Variants in USP46 observed in about 807,000 individuals in gnomAD.
The protein encoded by USP46 is ubiquitin specific peptidase 46, also known as ubiquitin carboxyl-terminal hydrolase 46.
USP46 carries 12 observed loss-of-function variants against 44.4 expected under a neutral mutation model. The ratio of observed to expected loss-of-function variants is 0.27; its 90% CI spans 0.17 to 0.44. The LOEUF is 0.44. USP46 is among the 20% of genes least tolerant of loss of function. The pLI is 1.00. For synonymous variants in USP46, 155 were observed against 161.5 expected, an observed-to-expected ratio of 0.96 and a Z score of 0.31; for missense variants, 248 against 444.8, an observed-to-expected ratio of 0.56 and a Z score of 3.98.
At chr4:52,657,040 C>CAA (rs959028429) in intron 1 of USP46, among the ~76,000 whole-genome samples, 177 of 28,062 alleles carry the variant, frequency 6.3e-3, no homozygotes, top group Non-Finnish European at 7.5e-3. Context: ...GAGACCTTGT[C>CAA]AAAAAAAAAA....
intron 1 of USP46, among the ~76,000 whole-genome samples, chr4:52,650,219 A>C (rs1211735392): frequency 6.6e-6 from 1 of 152,248 alleles, no homozygotes; most frequent in Non-Finnish European, 1.5e-5. Flanking sequence ...TAAATAAGAG[A>C]ATGAATAAGT....
Position 52,659,078 on chromosome 4 carries a change from G to A in USP46, c.36+37C>T, listed in dbSNP as rs1307845921. 6.5e-7 allele frequency: 1 copy of A among 1,545,366 alleles called. No homozygotes were observed. The highest frequency in any genetic ancestry group is 2.0e-5 in the Admixed American group (1 of 51,042). ...GGCTTCCCTTTCTTTGCCTCGCCGC[G>A]AGTCGGGCGCGACCCCGAGGCGGCT... On this transcript the variant is annotated intron_variant, in intron 1 of 8. Coordinates refer to ENST00000441222, the MANE Select transcript of USP46 (RefSeq NM_022832.4). The surrounding 1 kb of genome is among the most constrained non-coding windows in gnomAD (Gnocchi z 4.2).
chr4:52,594,447 G>C lies in USP46; in HGVS notation c.*3193C>G, dbSNP rs1463080755. ...ATACTGGAAAACAGAAATTTAATTA[G>C]GCAGAAAAGTAGGAAATAATTTTCC... On this transcript the variant is annotated 3_prime_UTR_variant, in exon 9 of 9. Coordinates refer to ENST00000441222, the MANE Select transcript of USP46 (RefSeq NM_022832.4). 1.3e-5 allele frequency: 2 copies of C among 152,100 alleles called. No homozygotes were observed. The highest frequency in any genetic ancestry group is 4.8e-5 in the African/African-American group (2 of 41,432). The allele number at this position is 152,100 out of a possible 1,614,324, so 9.4% of individuals were successfully genotyped here.
rs1716057873 is a variant in USP46, at chr4:52,592,501, T to TC, written c.*5138dup. 5.9e-6 allele frequency: 1 copy of TC among 169,676 alleles called. No homozygotes were observed. Among genetic ancestry groups the TC allele is most frequent in the South Asian group, 2.0e-4 (1 of 4,954 alleles). The allele number at this position is 169,676 out of a possible 1,614,324, so 10.5% of individuals were successfully genotyped here. ...TTGCATCATAGGTGGTTAAGCACCATCCCCCTAGTACTGCCTCATGACTGA... is the reference window on the plus strand; with the variant it reads ...TTGCATCATAGGTGGTTAAGCACCATCCCCCCTAGTACTGCCTCATGACTGA... On this transcript the variant is annotated 3_prime_UTR_variant, in exon 9 of 9. Transcript: ENST00000441222.
intron 1 of USP46, chr4:52,658,322 A>T (rs1457594472): frequency 2.2e-6 from 1 of 455,918 alleles, no homozygotes; most frequent in Non-Finnish European, 4.4e-6. Context: ...CCCAAATTAA[A>T]GTGACCACCG....
At chr4:52,651,593 T>C (rs1718773080) in intron 1 of USP46, among the ~76,000 whole-genome samples, 1 of 152,084 alleles carries the variant, frequency 6.6e-6, no homozygotes, top group Non-Finnish European at 1.5e-5. Context: ...CAGATAAAAA[T>C]TTTCCTGCAC....
intron 1 of USP46, among the ~76,000 whole-genome samples, chr4:52,635,722 C>T (rs1338543612): frequency 2.0e-5 from 3 of 152,168 alleles, no homozygotes; most frequent in Non-Finnish European, 4.4e-5. Flanking sequence ...ATCAAAAATA[C>T]ACACACCCAC....
intron 1 of USP46, among the ~76,000 whole-genome samples, chr4:52,635,425 A>G (rs1368064295): frequency 6.6e-6 from 1 of 152,180 alleles, no homozygotes; most frequent in Non-Finnish European, 1.5e-5. Context: ...GGCCCACAAC[A>G]GGTCCCACAT....
intron 2 of USP46, 29 bp downstream of exon 2, chr4:52,631,035 G>T (rs1439141470): frequency 2.0e-6 from 3 of 1,533,858 alleles, no homozygotes; most frequent in African/African-American, 2.7e-5. Context: ...TAAAACATTT[G>T]ATGAAAATAA....
chr4:52,632,990 A>AAAAGAAAAAAAG (rs1717961084), intron 1 of USP46, among the ~76,000 whole-genome samples: 11 of 66,338 alleles, frequency 1.7e-4, no homozygotes, highest in South Asian at 6.0e-4. Flanking sequence ...GAAAGAAAAG[A>AAAAGAAAAAAAG]AAAGAAAGAA....
chr4:52,616,928 T>C (rs925526569), intron 4 of USP46, among the ~76,000 whole-genome samples: 1 of 152,160 alleles, frequency 6.6e-6, no homozygotes, highest in Non-Finnish European at 1.5e-5. Context: ...TTTGAACTAA[T>C]GCCAAAGAAA....
intron 4 of USP46, among the ~76,000 whole-genome samples, chr4:52,617,238 G>A (rs959604649): frequency 4.7e-4 from 72 of 152,260 alleles, no homozygotes; most frequent in African/African-American, 1.6e-3. Context: ...TCCACAGTAT[G>A]TTCCTTAATT....
At chr4:52,655,576 T>C (rs934093176) in intron 1 of USP46, among the ~76,000 whole-genome samples, 1 of 152,212 alleles carries the variant, frequency 6.6e-6, no homozygotes, top group Non-Finnish European at 1.5e-5. Flanking sequence ...AAACAAAAAC[T>C]TTCCATTTGC....
chr4:52,628,205 G>C, intron 2 of USP46, 42 bp from the exon 3 acceptor site: 1 of 1,589,056 alleles, frequency 6.3e-7, no homozygotes. Context: ...ATTGCCTGGG[G>C]ATGAGCCACC....
chr4:52,612,053 A>G (rs1042147643), intron 4 of USP46, among the ~76,000 whole-genome samples: 1 of 152,220 alleles, frequency 6.6e-6, no homozygotes, highest in Non-Finnish European at 1.5e-5. Flanking sequence ...TGTCTATCTC[A>G]TAAGGCTGTT....
At chr4:52,653,469 T>C (rs555835897) in intron 1 of USP46, among the ~76,000 whole-genome samples, 2 of 122,600 alleles carry the variant, frequency 1.6e-5, no homozygotes, top group Non-Finnish European at 3.2e-5. Flanking sequence ...CACTCCAGCC[T>C]GGGCAACAAG....
Position 52,626,093 on chromosome 4 carries a change from T to C in USP46, c.486A>G (p.Lys162=). 6.2e-7 allele frequency: 1 copy of C among 1,613,908 alleles called. No individual in the cohort carries two copies. The highest frequency in any genetic ancestry group is 8.5e-7 in the Non-Finnish European group (1 of 1,179,878). The part of the protein sequence containing the change: ...GNMNEPAENN[K]PELTWVHEIF... ...TCTCATGGACCCAGGTGAGTTCTGG[T>C]TTATTATTTTCCGCAGGTTCGTTCA... is the stretch of plus-strand genomic sequence containing the variant. Residue 162 remains lysine (K), a synonymous_variant, in exon 4 of 9, where the codon AAA becomes AAG. Coordinates refer to ENST00000441222, the MANE Select transcript of USP46 (RefSeq NM_022832.4).
At chr4:52,606,879 C>G (rs887568123) in intron 5 of USP46, among the ~76,000 whole-genome samples, 5 of 152,204 alleles carry the variant, frequency 3.3e-5, no homozygotes, top group African/African-American at 1.2e-4. Flanking sequence ...GTACATGGTG[C>G]ATAAAACAAA....
chr4:52,618,013 A>G (rs940633306), intron 4 of USP46, among the ~76,000 whole-genome samples: 1 of 152,248 alleles, frequency 6.6e-6, no homozygotes, highest in Non-Finnish European at 1.5e-5. Flanking sequence ...TTAACTACAA[A>G]TCAGTTAGTA....
Sources: gnomAD v4.1 joint callset for allele counts (sites outside exome capture counted in the v4.1 genomes callset) on GRCh38, gnomAD v4.1.1 for gene constraint, Gnocchi (gnomAD v3.1) non-coding constraint, MANE v1.5 for transcripts, NCBI Gene and HGNC (gene_info 2026-07-23, HGNC 2026-07-21) for gene names.